Variants in CD226 observed in about 807,000 individuals in gnomAD.
CD226 encodes CD226 antigen.
Under a neutral mutation model 34.9 loss-of-function variants are expected in CD226, and 24 were observed. That is an observed-to-expected ratio of 0.69 (90% CI 0.50 to 0.97). The LOEUF (loss-of-function observed/expected upper bound fraction) is 0.97. Ranked by LOEUF, CD226 falls within the 50% of genes least tolerant of loss-of-function variation. The pLI is 0.00. For missense variants in CD226, 397 were observed against 412.7 expected (o/e 0.96, Z 0.33); for synonymous variants, 148 against 147.4 (o/e 1.00, Z -0.03).
At chr18:69,914,566 G>GA (rs2055363441) in intron 2 of CD226, among the ~76,000 whole-genome samples, 1 of 152,080 alleles carries the variant, frequency 6.6e-6, no homozygotes, top group Admixed American at 6.5e-5. Context: ...AAGTAAATTG[G>GA]AAAAAGAAGA....
At chr18:69,889,340 G>A (rs1289029222) in intron 3 of CD226, among the ~76,000 whole-genome samples, 1 of 152,058 alleles carries the variant, frequency 6.6e-6, no homozygotes, top group East Asian at 1.9e-4. Context: ...GATAATAAAA[G>A]GCTGAGGTTC....
chr18:69,913,276 T>C (rs1311208437), intron 2 of CD226, among the ~76,000 whole-genome samples: 1 of 152,098 alleles, frequency 6.6e-6, no homozygotes, highest in East Asian at 1.9e-4. Flanking sequence ...GTGGAAACAT[T>C]TTAGAAAATA....
intron 2 of CD226, among the ~76,000 whole-genome samples, chr18:69,922,293 AT>A (rs2055461530): frequency 6.6e-6 from 1 of 152,064 alleles, no homozygotes; most frequent in Non-Finnish European, 1.5e-5. Context: ...TCGTTTGTTT[AT>A]TTTTTGAGAT....
intron 4 of CD226, among the ~76,000 whole-genome samples, chr18:69,868,758 G>T (rs531519136): frequency 6.6e-6 from 1 of 152,038 alleles, no homozygotes; most frequent in East Asian, 1.9e-4. Flanking sequence ...TTCCCAACCA[G>T]GCCCAAATGC....
chr18:69,915,638 GCT>G (rs1165917825), intron 2 of CD226, among the ~76,000 whole-genome samples: 1 of 152,056 alleles, frequency 6.6e-6, no homozygotes, highest in African/African-American at 2.4e-5. Context: ...ATTCTCCTTG[GCT>G]CTTTTATCTC....
chr18:69,942,280 C>A (rs1038709438), intron 2 of CD226, among the ~76,000 whole-genome samples: 2 of 152,170 alleles, frequency 1.3e-5, no homozygotes, highest in African/African-American at 4.8e-5. Context: ...TCTGGAGAAG[C>A]CTGACTAAAA....
Position 69,946,864 on chromosome 18 carries a change from T to C in CD226, c.252A>G (p.Ser84=). The C allele has an allele frequency of 1.2e-6, 2 of 1,614,158 alleles. No homozygotes were observed. The highest frequency in any genetic ancestry group is 1.1e-5 in the South Asian group (1 of 91,078). ...GAGTCATGTTATTGGAAGCCATCGT[T>C]GAATTCAAAAAGTAAACCCTCTCAG... ...PYAERVYFLN[S]TMASNNMTLF... The change falls in exon 2 of 6, where the codon TCA becomes TCG. Residue 84 remains serine (S), a synonymous_variant. Transcript: ENST00000582621.
At chr18:69,950,481 T>C (rs1019608788), upstream of CD226, among the ~76,000 whole-genome samples, 2 of 152,110 alleles carry the variant, frequency 1.3e-5, no homozygotes, top group African/African-American at 2.4e-5. Context: ...TGGGAGAGAA[T>C]GGCTGGGGCT....
intron 4 of CD226, among the ~76,000 whole-genome samples, chr18:69,868,203 T>G (rs1353860465): frequency 2.6e-5 from 4 of 152,218 alleles, no homozygotes; most frequent in African/African-American, 9.6e-5. Context: ...TATAACTGTA[T>G]CCAACTATAT....
intron 2 of CD226, among the ~76,000 whole-genome samples, chr18:69,929,838 C>T (rs1441544404): frequency 6.6e-6 from 1 of 152,176 alleles, no homozygotes; most frequent in Non-Finnish European, 1.5e-5. Flanking sequence ...TTTTCTATTT[C>T]ACACGCAACA....
upstream of CD226, among the ~76,000 whole-genome samples, chr18:69,952,328 A>T (rs184935939): frequency 2.4e-4 from 37 of 152,362 alleles, no homozygotes; most frequent in African/African-American, 8.7e-4. Context: ...TGTACAACAT[A>T]TATTATTCAG....
chr18:69,927,555 C>T (rs770757734), intron 2 of CD226, among the ~76,000 whole-genome samples: 1 of 152,124 alleles, frequency 6.6e-6, no homozygotes, highest in African/African-American at 2.4e-5. Context: ...CCCCCACCCC[C>T]GACAACTACC....
intron 2 of CD226, among the ~76,000 whole-genome samples, chr18:69,911,241 G>A (rs1297623723): frequency 6.6e-6 from 1 of 152,164 alleles, no homozygotes; most frequent in Non-Finnish European, 1.5e-5. Flanking sequence ...AGTGGAACAG[G>A]TTTGGGGTGC....
At chr18:69,910,233 G>C (rs1318139687) in intron 2 of CD226, among the ~76,000 whole-genome samples, 1 of 152,234 alleles carries the variant, frequency 6.6e-6, no homozygotes, top group Non-Finnish European at 1.5e-5. Flanking sequence ...TGCGTCCAAA[G>C]ACTAGAACAC....
intron 2 of CD226, among the ~76,000 whole-genome samples, chr18:69,927,362 C>G (rs1418159066): frequency 2.1e-5 from 1 of 47,854 alleles, no homozygotes; most frequent in Non-Finnish European, 4.8e-5. Flanking sequence ...GACTAAGACA[C>G]TACACACACA....
At chr18:69,944,265 C>T (rs1370509334) in intron 2 of CD226, among the ~76,000 whole-genome samples, 1 of 152,134 alleles carries the variant, frequency 6.6e-6, no homozygotes, top group Non-Finnish European at 1.5e-5. Flanking sequence ...TGGATCATGG[C>T]TAAGGATACC....
intron 3 of CD226, among the ~76,000 whole-genome samples, chr18:69,881,938 C>T (rs192641036): frequency 9.8e-5 from 15 of 152,294 alleles, no homozygotes; most frequent in Non-Finnish European, 1.9e-4. Flanking sequence ...CCAGATAAAT[C>T]AGTTTTATAC....
rs187887926 is a variant in CD226 at position 69,901,039 on chromosome 18, T to C, written c.383-4994A>G. ...GCCTTGTCAAAATAATCAAACCTGA[T>C]GCTAATCAAGCCTCCAAATCTAACC... is the stretch of plus-strand genomic sequence containing the variant. On this transcript the variant is annotated intron_variant, in intron 2 of 5. Transcript: ENST00000582621. Among the ~76,000 whole-genome samples, 5 of 152,260 alleles carry C rather than the reference T, an allele frequency of 3.3e-5. No individual in the cohort carries two copies. The East Asian group carries it at 7.7e-4, about 24-fold the overall frequency.
chr18:69,950,785 G>A (rs897179140), upstream of CD226, among the ~76,000 whole-genome samples: 4 of 152,074 alleles, frequency 2.6e-5, no homozygotes, highest in African/African-American at 7.2e-5. Flanking sequence ...TTCTAAGAGC[G>A]ATTGGAGATT....
Sources: allele counts gnomAD v4.1 joint callset (sites outside exome capture counted in the v4.1 genomes callset), GRCh38; gene constraint gnomAD v4.1.1; transcripts MANE v1.5; gene names NCBI Gene and HGNC (gene_info 2026-07-23, HGNC 2026-07-21).